The following DNAJC5B variants were observed in gnomAD, a reference collection of about 807,000 sequenced individuals.
The protein encoded by DNAJC5B is dnaJ homolog subfamily C member 5B.
Under a neutral mutation model 24.7 loss-of-function variants are expected in DNAJC5B, and 23 were observed. That is an observed-to-expected ratio of 0.93 (90% CI 0.67 to 1.32). The LOEUF (loss-of-function observed/expected upper bound fraction) is 1.32. Ranked by LOEUF, DNAJC5B falls within the 40% of genes most tolerant of loss-of-function variation. The pLI, the probability that DNAJC5B is intolerant of heterozygous loss-of-function variation, is 0.00. For synonymous variants in DNAJC5B, 101 were observed against 90.1 expected (o/e 1.12, Z -0.68); for missense variants, 238 against 240.8 (o/e 0.99, Z 0.08).
chr8:66,019,279 T>C (rs1405006607), upstream of DNAJC5B, among the ~76,000 whole-genome samples: 1 of 152,242 alleles, frequency 6.6e-6, no homozygotes, highest in Non-Finnish European at 1.5e-5. Context: ...GTTTTGAGAA[T>C]TACTGATTTA....
intron 1 of DNAJC5B, among the ~76,000 whole-genome samples, chr8:66,033,569 A>G (rs139661827): frequency 1.7e-4 from 26 of 152,162 alleles, no homozygotes; most frequent in Non-Finnish European, 3.2e-4. Context: ...CTTCCATGGG[A>G]TGATGTTTCC....
At position 66,091,718 on chromosome 8, in the gene DNAJC5B, A is replaced by G. The variant is rs73691286; in HGVS notation, c.506-8219A>G. 7.5e-3 allele frequency among the ~76,000 whole-genome samples: 1,149 copies of G among 152,272 alleles called. 22 individuals carry two copies. Among genetic ancestry groups the G allele is most frequent in the African/African-American group, 0.026 (1,063 of 41,572 alleles). ...CTGGAATCCCCATCCCCAATGTACT[A>G]GAGAAGTGCAAGAGTGGTAGGATTA... On this transcript the variant is annotated intron_variant, in intron 5 of 5. Transcript: ENST00000276570.
At chr8:66,073,599 C>T (rs896703466) in intron 3 of DNAJC5B, among the ~76,000 whole-genome samples, 1 of 151,958 alleles carries the variant, frequency 6.6e-6, no homozygotes, top group Non-Finnish European at 1.5e-5. Context: ...TGAAGAACAG[C>T]AATATGGCAG....
At chr8:66,087,835 CAGCCCCT>C (rs1807761923) in intron 5 of DNAJC5B, among the ~76,000 whole-genome samples, 1 of 152,168 alleles carries the variant, frequency 6.6e-6, no homozygotes, top group Admixed American at 6.5e-5. Flanking sequence ...CTGCAGGGTA[CAGCCCCT>C]GCAGCTGCCT....
At chr8:66,087,333 C>A (rs1207608624) in intron 5 of DNAJC5B, among the ~76,000 whole-genome samples, 1 of 152,156 alleles carries the variant, frequency 6.6e-6, no homozygotes, top group Non-Finnish European at 1.5e-5. Context: ...TCACCTTCCA[C>A]CAGGTCCGTC....
intron 3 of DNAJC5B, among the ~76,000 whole-genome samples, chr8:66,061,205 C>T (rs1807073048): frequency 6.6e-6 from 1 of 152,050 alleles, no homozygotes; most frequent in Non-Finnish European, 1.5e-5. Flanking sequence ...CTCTTGAGCC[C>T]AGGAGTTTGA....
At chr8:66,037,349 G>A (rs1806509769) in intron 1 of DNAJC5B, among the ~76,000 whole-genome samples, 1 of 152,190 alleles carries the variant, frequency 6.6e-6, no homozygotes, top group South Asian at 2.1e-4. Context: ...GAGCTACTGA[G>A]GGCATGAGAG....
chr8:66,054,145 G>A (rs1806914204), intron 3 of DNAJC5B, among the ~76,000 whole-genome samples: 1 of 151,472 alleles, frequency 6.6e-6, no homozygotes, highest in African/African-American at 2.4e-5. Flanking sequence ...ATTTTCTTAT[G>A]CGGTATAAAG....
intron 1 of DNAJC5B, among the ~76,000 whole-genome samples, chr8:66,022,222 A>C (rs1806145527): frequency 6.6e-6 from 1 of 152,196 alleles, no homozygotes; most frequent in African/African-American, 2.4e-5. Context: ...AACTCCTGCC[A>C]GTGAAATCAT....
intron 1 of DNAJC5B, among the ~76,000 whole-genome samples, chr8:66,035,103 C>T (rs1299181064): frequency 6.6e-6 from 1 of 152,212 alleles, no homozygotes; most frequent in Non-Finnish European, 1.5e-5. Context: ...AGGAGTTTTG[C>T]AAGCCAGGTG....
intron 4 of DNAJC5B, among the ~76,000 whole-genome samples, chr8:66,080,042 T>G (rs945546448): frequency 6.6e-6 from 1 of 152,116 alleles, no homozygotes; most frequent in Non-Finnish European, 1.5e-5. Flanking sequence ...GTTTTGTTGG[T>G]TGGTTTTTTG....
chr8:66,084,314 G>T (rs934952753), intron 5 of DNAJC5B, among the ~76,000 whole-genome samples: 3 of 152,104 alleles, frequency 2.0e-5, no homozygotes, highest in Non-Finnish European at 4.4e-5. Flanking sequence ...AAAATCAAGT[G>T]ACTCAAGACA....
Position 66,026,330 on chromosome 8 carries a change from C to T in DNAJC5B, c.-142+4625C>T, listed in dbSNP as rs569604482. Among the ~76,000 whole-genome samples the T allele has an allele frequency of 2.6e-3, 396 of 152,116 alleles. 2 individuals carry two copies. Among genetic ancestry groups the T allele is most frequent in the African/African-American group, 8.5e-3 (351 of 41,470 alleles). ...AGCTTAAGGAGATTTTGGGCTGAGA[C>T]GATGGGGTTTTTGCGGTTTTGAAGT... On this transcript the variant is annotated intron_variant, in intron 1 of 5. Transcript: ENST00000276570.
chr8:66,097,372 C>T (rs1014711345), intron 5 of DNAJC5B, among the ~76,000 whole-genome samples: 1 of 151,932 alleles, frequency 6.6e-6, no homozygotes, highest in Non-Finnish European at 1.5e-5. Context: ...CTTTACCCTC[C>T]TCTTGAACAA....
intron 1 of DNAJC5B, among the ~76,000 whole-genome samples, chr8:66,038,233 C>G (rs1429341897): frequency 1.3e-5 from 2 of 152,264 alleles, no homozygotes; most frequent in Non-Finnish European, 2.9e-5. Context: ...AAATGGGCAC[C>G]TATTAATAAT....
intron 1 of DNAJC5B, among the ~76,000 whole-genome samples, chr8:66,027,851 T>C (rs892469904): frequency 2.6e-5 from 4 of 152,228 alleles, no homozygotes; most frequent in Non-Finnish European, 4.4e-5. Context: ...GAATTCAATG[T>C]CAGTTTCAAT....
chr8:66,015,402 A>T, the DNAJC5B span, among the ~76,000 whole-genome samples: 6 of 149,656 alleles, frequency 4.0e-5, no homozygotes, highest in Non-Finnish European at 7.4e-5. Context: ...GTAGTAGATC[A>T]TTTTTTTTTT....
At chr8:66,083,012 T>G (rs531251840) in intron 5 of DNAJC5B, among the ~76,000 whole-genome samples, 1 of 138,186 alleles carries the variant, frequency 7.2e-6, no homozygotes, top group Non-Finnish European at 1.6e-5. Flanking sequence ...TCTTTTTTTT[T>G]TTTTTTTTTT....
At chr8:66,076,226 AC>A (rs1349339132) in intron 3 of DNAJC5B, among the ~76,000 whole-genome samples, 1 of 152,198 alleles carries the variant, frequency 6.6e-6, no homozygotes, top group African/African-American at 2.4e-5. Context: ...GCTGAGTTGA[AC>A]TTTTAGAATA....
Sources: gnomAD v4.1 joint callset for allele counts (sites outside exome capture counted in the v4.1 genomes callset) on GRCh38, gnomAD v4.1.1 for gene constraint, MANE v1.5 for transcripts, NCBI Gene and HGNC (gene_info 2026-07-23, HGNC 2026-07-21) for gene names.